The following MBNL2 variants were observed in gnomAD, a reference collection of about 807,000 sequenced individuals.
MBNL2 encodes the protein muscleblind like splicing regulator 2.
In MBNL2, 17 loss-of-function variants were observed where a neutral mutation model predicts 41.9. The observed-to-expected ratio is 0.41, with a 90% CI of 0.28 to 0.61. MBNL2 has a LOEUF of 0.61. MBNL2 is among the 20% of genes least tolerant of loss of function. The pLI, the probability that MBNL2 is intolerant of heterozygous loss-of-function variation, is 0.35. For synonymous variants in MBNL2, 195 were observed against 182.9 expected (o/e 1.07, Z -0.53); for missense variants, 336 against 505.6 (o/e 0.66, Z 3.22).
chr13:97,168,270 A>G, the MBNL2 span, among the ~76,000 whole-genome samples: 31 of 152,256 alleles, frequency 2.0e-4, no homozygotes, highest in Non-Finnish European at 3.2e-4. Context: ...GGCCTTGCGT[A>G]TGTTTTAATT....
At chr13:97,198,518 AAATT>A in the MBNL2 span, among the ~76,000 whole-genome samples, 1 of 149,364 alleles carries the variant, frequency 6.7e-6, no homozygotes, top group Non-Finnish European at 1.5e-5. Context: ...TTTAATATAT[AAATT>A]AATGATAAAT....
At chr13:97,163,443 G>T in the MBNL2 span, among the ~76,000 whole-genome samples, 43 of 152,282 alleles carry the variant, frequency 2.8e-4, no homozygotes, top group African/African-American at 1.0e-3. Flanking sequence ...CTCCTCAGCT[G>T]TGGTAGAATT....
rs369422314 is a variant in MBNL2 at position 97,343,170 on chromosome 13, C to T, written c.494C>T (p.Pro165Leu). ...IVPGSPPVTV[P>L]GSTATQKLLR... is the part of the protein sequence containing the mutation. ...CCCGGAAGTCCACCGGTCACTGTCC[C>T]GGGCTCAACTGCAACTCAGAAACTT... Residue 165 changes from proline to leucine, a missense_variant, in exon 4 of 9, where the codon CCG becomes CTG. Physicochemically the swap from Pro to Leu is moderately conservative, Grantham distance 98. Coordinates refer to ENST00000679496, the MANE Select transcript of MBNL2 (RefSeq NM_001382683.1). 3.6e-5 allele frequency: 58 copies of T among 1,613,578 alleles called. No individual in the cohort carries two copies. The highest frequency in any genetic ancestry group is 6.7e-5 in the East Asian group (3 of 44,880).
At chr13:97,308,382 G>T (rs2058307797) in intron 2 of MBNL2, among the ~76,000 whole-genome samples, 1 of 152,132 alleles carries the variant, frequency 6.6e-6, no homozygotes, top group Admixed American at 6.5e-5. Flanking sequence ...CAAACATTTG[G>T]CTGGATAACA....
chr13:97,164,587 T>G, the MBNL2 span, among the ~76,000 whole-genome samples: 3 of 152,108 alleles, frequency 2.0e-5, no homozygotes, highest in Non-Finnish European at 2.9e-5. Flanking sequence ...AATGGTACCA[T>G]GTAAATATCA....
At chr13:97,339,085 T>C (rs2061151624) in intron 3 of MBNL2, among the ~76,000 whole-genome samples, 1 of 1,224 alleles carries the variant, frequency 8.2e-4, no homozygotes, top group African/African-American at 1.7e-3. Context: ...GTGTAGTGAG[T>C]GTATATATGT....
the MBNL2 span, among the ~76,000 whole-genome samples, chr13:97,144,423 C>CTTTTTTTTTTTTTTTTTTTTTTTTTTT: frequency 1.7e-5 from 2 of 118,108 alleles, no homozygotes; most frequent in African/African-American, 4.0e-5. Flanking sequence ...CATGATACTT[C>CTTTTTTTTTTTTTTTTTTTTTTTTTTT]TTTTTTTTTT....
intron 7 of MBNL2, among the ~76,000 whole-genome samples, chr13:97,358,784 A>G (rs554967929): frequency 6.6e-5 from 10 of 152,196 alleles, no homozygotes; most frequent in Non-Finnish European, 1.5e-4. Flanking sequence ...TAACAAAAAG[A>G]GTTTTTTGAT....
intron 3 of MBNL2, among the ~76,000 whole-genome samples, chr13:97,338,335 C>T (rs1341925103): frequency 2.0e-5 from 3 of 152,142 alleles, no homozygotes; most frequent in Middle Eastern, 3.2e-3. Flanking sequence ...CACATGCAAC[C>T]CCCAGCATTC....
chr13:97,343,939 T>C (rs974353568), intron 4 of MBNL2, among the ~76,000 whole-genome samples: 2 of 152,158 alleles, frequency 1.3e-5, no homozygotes, highest in African/African-American at 4.8e-5. Context: ...CCCAAGTAGC[T>C]GGGATTATAG....
At chr13:97,271,359 T>C (rs1056149009) in intron 1 of MBNL2, among the ~76,000 whole-genome samples, 10 of 152,010 alleles carry the variant, frequency 6.6e-5, no homozygotes, top group Admixed American at 3.9e-4. Flanking sequence ...CTGCCCATCT[T>C]GGCCTCCCAA....
chr13:97,383,936 G>T (rs1273840014), intron 8 of MBNL2, among the ~76,000 whole-genome samples: 1 of 147,540 alleles, frequency 6.8e-6, no homozygotes, highest in Non-Finnish European at 1.5e-5. Flanking sequence ...GTCTCGTCCT[G>T]TTGCCCAGGC....
At chr13:97,211,716 C>T in the MBNL2 span, among the ~76,000 whole-genome samples, 4 of 152,266 alleles carry the variant, frequency 2.6e-5, no homozygotes, top group Admixed American at 6.5e-5. Context: ...AAAGAATATA[C>T]CCATGACATG....
At chr13:97,347,513 G>C (rs1411554262) in intron 5 of MBNL2, among the ~76,000 whole-genome samples, 1 of 151,050 alleles carries the variant, frequency 6.6e-6, no homozygotes, top group African/African-American at 2.5e-5. Context: ...GAGAAGCCCA[G>C]AGAGTGATTT....
chr13:97,283,668 A>G (rs1424981022), intron 2 of MBNL2, among the ~76,000 whole-genome samples: 1 of 152,232 alleles, frequency 6.6e-6, no homozygotes, highest in Admixed American at 6.5e-5. Flanking sequence ...TTGCAAGTTA[A>G]GAAATCTTCA....
chr13:97,219,173 G>C (rs1432450413), upstream of MBNL2, among the ~76,000 whole-genome samples: 2 of 152,288 alleles, frequency 1.3e-5, no homozygotes. Flanking sequence ...ACCCCTGGGA[G>C]ATTTGCATGC....
the MBNL2 span, among the ~76,000 whole-genome samples, chr13:97,146,373 A>G: frequency 6.6e-6 from 1 of 152,112 alleles, no homozygotes; most frequent in Non-Finnish European, 1.5e-5. Flanking sequence ...ACAACACTTC[A>G]CTAACATTCC....
At chr13:97,155,513 A>G in the MBNL2 span, among the ~76,000 whole-genome samples, 1 of 150,654 alleles carries the variant, frequency 6.6e-6, no homozygotes, top group Non-Finnish European at 1.5e-5. Context: ...GTCATCTAGC[A>G]TTAGGTATAT....
intron 7 of MBNL2, among the ~76,000 whole-genome samples, chr13:97,360,582 CATT>C (rs1165900458): frequency 1.3e-5 from 2 of 152,110 alleles, no homozygotes; most frequent in Non-Finnish European, 2.9e-5. Flanking sequence ...TTCTTATAGA[CATT>C]ATCTCATTAT....
Sources: gnomAD v4.1 joint callset for allele counts (sites outside exome capture counted in the v4.1 genomes callset) on GRCh38, gnomAD v4.1.1 for gene constraint, MANE v1.5 for transcripts, NCBI Gene and HGNC (gene_info 2026-07-23, HGNC 2026-07-21) for gene names.